The following DAB1 variants were observed in gnomAD, a reference collection of about 807,000 sequenced individuals.
DAB1 encodes the protein DAB adaptor protein 1, also known as disabled homolog 1.
DAB1 carries 15 observed loss-of-function variants against 64.6 expected under a neutral mutation model. That is an observed-to-expected ratio of 0.23 (90% CI 0.16 to 0.36). DAB1 has a LOEUF of 0.36. Ranked by LOEUF, DAB1 falls within the 10% of genes least tolerant of loss-of-function variation. The probability of loss-of-function intolerance (pLI) is 1.00; values close to 1 mark genes in which losing one functional copy is unlikely to be tolerated. For missense variants in DAB1, 596 were observed against 706.7 expected (o/e 0.84, Z 1.78); for synonymous variants, 235 against 251.9 (o/e 0.93, Z 0.64).
chr1:57,398,616 T>C (rs1170217699), intron 1 of DAB1, among the ~76,000 whole-genome samples: 1 of 152,356 alleles, frequency 6.6e-6, no homozygotes, highest in East Asian at 1.9e-4. Flanking sequence ...CATCTTTTGA[T>C]TTGGGAGTTA....
At chr1:57,536,836 C>T (rs191095844) in intron 7 of DAB1, among the ~76,000 whole-genome samples, 2 of 152,092 alleles carry the variant, frequency 1.3e-5, no homozygotes, top group Non-Finnish European at 1.5e-5. Context: ...TGCTTCTGTT[C>T]CCATGGTTCC....
At chr1:57,669,984 A>T (rs940036840) in intron 6 of DAB1, among the ~76,000 whole-genome samples, 2 of 152,162 alleles carry the variant, frequency 1.3e-5, no homozygotes, top group Non-Finnish European at 2.9e-5. Flanking sequence ...AAATATAACG[A>T]TATTGGTACA....
At chr1:57,759,715 G>A (rs1264295899) in intron 6 of DAB1, among the ~76,000 whole-genome samples, 1 of 152,076 alleles carries the variant, frequency 6.6e-6, no homozygotes. Flanking sequence ...TACTCTTTGG[G>A]GAATAGACTA....
intron 2 of DAB1, among the ~76,000 whole-genome samples, chr1:57,270,060 G>A (rs948674804): frequency 3.9e-5 from 6 of 152,176 alleles, no homozygotes; most frequent in South Asian, 2.1e-4. Flanking sequence ...AGGAGAGCCC[G>A]AGCACTGGAT....
chr1:58,099,837 G>A (rs1301149522), intron 5 of DAB1, among the ~76,000 whole-genome samples: 3 of 152,180 alleles, frequency 2.0e-5, no homozygotes, highest in Non-Finnish European at 4.4e-5. Context: ...TGAGACTCAC[G>A]TCCAGGACGG....
intron 5 of DAB1, among the ~76,000 whole-genome samples, chr1:57,966,165 C>A (rs576249370): frequency 6.6e-6 from 1 of 152,256 alleles, no homozygotes; most frequent in Non-Finnish European, 1.5e-5. Flanking sequence ...AAGAACTGTA[C>A]TACTTTTAAT....
chr1:57,552,501 T>G (rs1432694558), intron 7 of DAB1, among the ~76,000 whole-genome samples: 1 of 152,184 alleles, frequency 6.6e-6, no homozygotes, highest in African/African-American at 2.4e-5. Flanking sequence ...GAAGTCTGGG[T>G]ATAGTTCCTG....
At chr1:57,027,190 G>A (rs1311007684) in intron 9 of DAB1, among the ~76,000 whole-genome samples, 1 of 152,162 alleles carries the variant, frequency 6.6e-6, no homozygotes, top group African/African-American at 2.4e-5. Flanking sequence ...CTCTGGAAAA[G>A]GTCCCACACT....
At chr1:58,113,594 A>AG (rs1375278659) in intron 5 of DAB1, among the ~76,000 whole-genome samples, 2 of 151,968 alleles carry the variant, frequency 1.3e-5, no homozygotes, top group Non-Finnish European at 2.9e-5. Flanking sequence ...GAATCCCTGG[A>AG]GGGTTTTTGT....
intron 5 of DAB1, among the ~76,000 whole-genome samples, chr1:57,992,031 C>T (rs1015145729): frequency 3.9e-5 from 6 of 151,938 alleles, no homozygotes; most frequent in African/African-American, 7.3e-5. Context: ...AGCCAGAGCT[C>T]GCTGTACTTG....
chr1:57,748,689 C>T (rs1266597372), intron 6 of DAB1, among the ~76,000 whole-genome samples: 5 of 152,044 alleles, frequency 3.3e-5, no homozygotes, highest in African/African-American at 4.8e-5. Context: ...ATAGTGAGCC[C>T]CTACCACCTT....
At chr1:58,457,304 C>A (rs1461724332) in intron 3 of DAB1, among the ~76,000 whole-genome samples, 1 of 152,248 alleles carries the variant, frequency 6.6e-6, no homozygotes. Flanking sequence ...GAAAACCACC[C>A]GAGAGTCAGA....
At chr1:57,776,306 G>A (rs534366952) in intron 6 of DAB1, among the ~76,000 whole-genome samples, 1 of 151,586 alleles carries the variant, frequency 6.6e-6, no homozygotes, top group Non-Finnish European at 1.5e-5. Flanking sequence ...AAAAAAATCA[G>A]AAATCTGAAA....
chr1:57,606,558 T>TATATATTATATATGAAATATATAATATA (rs1336498459), intron 7 of DAB1, among the ~76,000 whole-genome samples: 9 of 112,696 alleles, frequency 8.0e-5, no homozygotes, highest in Non-Finnish European at 8.5e-5. Context: ...TATAATATAT[T>TATATATTATATATGAAATATATAATATA]ATATATTATA....
Position 58,037,297 on chromosome 1 carries a change from C to G in DAB1, n.387+113214G>C, listed in dbSNP as rs572426090. On this transcript the variant is annotated intron_variant and non_coding_transcript_variant, in intron 5 of 20. Transcript: ENST00000485760. ...GCATGAGCTTAAATGCTCTTACTCC[C>G]TTTTTCTGATGAGGATAGCTCTGAG... Among the ~76,000 whole-genome samples, 5 of 152,228 alleles carry G rather than the reference C, an allele frequency of 3.3e-5. No homozygotes were observed. In the South Asian group the frequency reaches 1.0e-3, roughly 32 times the overall value.
chr1:57,009,329 C>T (rs1358244930), intron 14 of DAB1, among the ~76,000 whole-genome samples: 2 of 152,218 alleles, frequency 1.3e-5, no homozygotes, highest in Non-Finnish European at 2.9e-5. Flanking sequence ...CCCGAAGTAG[C>T]TTTGCAAGAG....
intron 3 of DAB1, among the ~76,000 whole-genome samples, chr1:58,463,608 G>A (rs1447659075): frequency 6.6e-6 from 1 of 152,212 alleles, no homozygotes; most frequent in Non-Finnish European, 1.5e-5. Context: ...TCATATGCAT[G>A]CTTGAGAGTC....
chr1:57,064,452 TC>T (rs1420676812), intron 8 of DAB1, among the ~76,000 whole-genome samples: 2 of 152,148 alleles, frequency 1.3e-5, no homozygotes, highest in Non-Finnish European at 2.9e-5. Context: ...TTACATACAT[TC>T]TCATGCAATC....
intron 5 of DAB1, among the ~76,000 whole-genome samples, chr1:57,941,978 A>G (rs750136880): frequency 6.6e-6 from 1 of 152,198 alleles, no homozygotes; most frequent in Non-Finnish European, 1.5e-5. Flanking sequence ...CTCAGACCTC[A>G]GTTTTTTCAT....
Sources: allele counts gnomAD v4.1 joint callset (sites outside exome capture counted in the v4.1 genomes callset), GRCh38; gene constraint gnomAD v4.1.1; transcripts MANE v1.5; gene names NCBI Gene and HGNC (gene_info 2026-07-23, HGNC 2026-07-21).